Variants in LARGE1 observed in about 807,000 individuals in gnomAD.
LARGE1 encodes the protein LARGE xylosyl- and glucuronyltransferase 1.
A neutral mutation model predicts 87.6 loss-of-function variants in LARGE1; 43 were observed. The observed-to-expected ratio is 0.49, with a 90% CI of 0.38 to 0.63. The LOEUF (loss-of-function observed/expected upper bound fraction) is 0.63, where lower values mean the gene tolerates loss of function less well. LARGE1 is among the 30% of genes least tolerant of loss of function. The pLI, the probability that LARGE1 is intolerant of heterozygous loss-of-function variation, is 0.00. For missense variants in LARGE1, 802 were observed against 1,000.2 expected, an observed-to-expected ratio of 0.80 and a Z score of 2.67; for synonymous variants, 434 against 394.6, an observed-to-expected ratio of 1.10 and a Z score of -1.18.
Position 33,175,423 on chromosome 22 carries a change from A to C in LARGE1, c.1731-8591T>G, listed in dbSNP as rs189969693. ...AGAAAACCCCATCATCTCAGCCCAA[A>C]ATCTCCTTAAGCTGATAAGCAACTT... On this transcript the variant is annotated intron_variant, in intron 11 of 11. Coordinates refer to the LARGE1 transcript ENST00000608642. 2.0e-5 allele frequency among the ~76,000 whole-genome samples: 3 copies of C among 152,274 alleles called. No individual in the cohort carries two copies. In the East Asian group the frequency reaches 5.8e-4, roughly 29 times the overall value.
chr22:33,464,186 GA>G, intron 6 of LARGE1, among the ~76,000 whole-genome samples: 1 of 151,982 alleles, frequency 6.6e-6, no homozygotes. Flanking sequence ...AAAAGGTAAT[GA>G]AAAAAATCTT....
chr22:33,316,618 G>A (rs1936190961), intron 10 of LARGE1, among the ~76,000 whole-genome samples: 2 of 152,076 alleles, frequency 1.3e-5, no homozygotes, highest in African/African-American at 4.8e-5. Flanking sequence ...GTGTGTGGCT[G>A]TAGTGCTACT....
intron 6 of LARGE1, among the ~76,000 whole-genome samples, chr22:33,471,954 G>A (rs1206168174): frequency 6.6e-6 from 1 of 152,152 alleles, no homozygotes; most frequent in Admixed American, 6.5e-5. Flanking sequence ...GGAGGCTGAG[G>A]CAGGAGAATT....
intron 2 of LARGE1, among the ~76,000 whole-genome samples, chr22:33,756,811 G>A (rs376838660): frequency 6.6e-6 from 1 of 152,158 alleles, no homozygotes; most frequent in East Asian, 1.9e-4. Flanking sequence ...TCACAAAGGA[G>A]GAGTGGCAGA....
At chr22:33,094,503 C>T in the LARGE1 span, among the ~76,000 whole-genome samples, 3 of 152,204 alleles carry the variant, frequency 2.0e-5, no homozygotes, top group Non-Finnish European at 4.4e-5. Flanking sequence ...CTTTGCCATC[C>T]TCTGACAATA....
intron 2 of LARGE1, among the ~76,000 whole-genome samples, chr22:33,730,484 T>C (rs952787826): frequency 1.3e-5 from 2 of 152,188 alleles, no homozygotes; most frequent in African/African-American, 2.4e-5. Context: ...ACACCTACTA[T>C]GTATCCATAA....
At chr22:33,360,446 G>A (rs1031311196) in intron 9 of LARGE1, among the ~76,000 whole-genome samples, 3 of 149,718 alleles carry the variant, frequency 2.0e-5, no homozygotes, top group Non-Finnish European at 4.5e-5. Flanking sequence ...TACAATCATG[G>A]CAGAAGGGGC....
At chr22:33,661,543 G>A (rs1363085687) in intron 2 of LARGE1, among the ~76,000 whole-genome samples, 1 of 151,680 alleles carries the variant, frequency 6.6e-6, no homozygotes, top group Non-Finnish European at 1.5e-5. Flanking sequence ...TTTAAATGAG[G>A]AGCACTGACA....
intron 11 of LARGE1, among the ~76,000 whole-genome samples, chr22:33,240,839 C>T (rs1926477896): frequency 6.6e-6 from 1 of 152,116 alleles, no homozygotes; most frequent in Non-Finnish European, 1.5e-5. Context: ...GTTTTCTGCT[C>T]AGTCTGTGTC....
chr22:33,226,180 C>A (rs1163597514), intron 11 of LARGE1, among the ~76,000 whole-genome samples: 1 of 152,204 alleles, frequency 6.6e-6, no homozygotes, highest in Admixed American at 6.5e-5. Context: ...TTTCAAAAAT[C>A]TTTTTGCTGC....
At chr22:33,384,432 A>C in intron 7 of LARGE1, 128 bp from the exon 8 acceptor site, 3 of 732,730 alleles carry the variant, frequency 4.1e-6, no homozygotes, top group Non-Finnish European at 7.2e-6. Context: ...AGGCCTATGC[A>C]CTGCTGCAGA....
rs554743298 is a variant in LARGE1, at chr22:33,281,470, G to A, written c.1877+1732C>T. ...AACACAGGTTCCTCAGACCTGGTAC[G>A]AATCCAGGCTCTGCTATTTACTGGC... is the stretch of plus-strand genomic sequence containing the variant. On this transcript the variant is annotated intron_variant, in intron 13 of 14. Transcript: ENST00000397394. 7.9e-5 allele frequency among the ~76,000 whole-genome samples: 12 copies of A among 152,148 alleles called. No homozygotes were observed. The East Asian group carries it at 1.2e-3, about 15-fold the overall frequency.
chr22:33,710,300 G>A (rs1471280917), intron 2 of LARGE1, among the ~76,000 whole-genome samples: 4 of 152,088 alleles, frequency 2.6e-5, no homozygotes, highest in African/African-American at 7.2e-5. Flanking sequence ...AAAGACTAAC[G>A]TCTTCTCAGA....
At chr22:33,770,756 A>T (rs2085043806) in intron 1 of LARGE1, among the ~76,000 whole-genome samples, 2 of 152,204 alleles carry the variant, frequency 1.3e-5, no homozygotes, top group African/African-American at 4.8e-5. Flanking sequence ...GATTAAAAAA[A>T]AATTTTATGT....
chr22:33,729,233 A>G (rs2083378519), intron 2 of LARGE1, among the ~76,000 whole-genome samples: 1 of 152,228 alleles, frequency 6.6e-6, no homozygotes, highest in Non-Finnish European at 1.5e-5. Context: ...GCAATGGGGA[A>G]AGGAATTGGG....
the LARGE1 span, among the ~76,000 whole-genome samples, chr22:33,111,107 C>A: frequency 6.6e-6 from 1 of 152,048 alleles, no homozygotes; most frequent in East Asian, 1.9e-4. Context: ...ACTTTTGAGA[C>A]CTGGCAATTA....
At chr22:33,567,020 G>A (rs781584062) in intron 5 of LARGE1, among the ~76,000 whole-genome samples, 52 of 152,198 alleles carry the variant, frequency 3.4e-4, no homozygotes, top group Non-Finnish European at 7.2e-4. Context: ...AAAAAGGACA[G>A]AAGTTCAAAT....
chr22:33,376,574 A>G (rs1271295534), intron 9 of LARGE1, among the ~76,000 whole-genome samples: 1 of 152,246 alleles, frequency 6.6e-6, no homozygotes, highest in African/African-American at 2.4e-5. Context: ...AAGATGTCAG[A>G]ACAAGGCTCT....
chr22:33,442,268 A>C (rs1208920659), intron 6 of LARGE1, among the ~76,000 whole-genome samples: 1 of 152,046 alleles, frequency 6.6e-6, no homozygotes, highest in Non-Finnish European at 1.5e-5. Context: ...TGGAGCCCCA[A>C]CTCTGCACCA....
Sources: allele counts gnomAD v4.1 joint callset (sites outside exome capture counted in the v4.1 genomes callset), GRCh38; gene constraint gnomAD v4.1.1; transcripts MANE v1.5; gene names NCBI Gene and HGNC (gene_info 2026-07-23, HGNC 2026-07-21).